BAG3: variants seen among roughly 807,000 people sequenced by gnomAD.
BAG3 encodes the protein BAG family molecular chaperone regulator 3.
In BAG3, 14 loss-of-function variants were observed where a neutral mutation model predicts 40.5. That is an observed-to-expected ratio of 0.35 (90% CI 0.23 to 0.54). The LOEUF is 0.54. Ranked by LOEUF, BAG3 falls within the 20% of genes least tolerant of loss-of-function variation. The pLI is 0.91. For missense variants in BAG3, 788 were observed against 758.6 expected, an observed-to-expected ratio of 1.04 and a Z score of -0.46; for synonymous variants, 302 against 307.8, an observed-to-expected ratio of 0.98 and a Z score of 0.20.
At chr10:119,676,419 C>G (rs1226713053) in intron 3 of BAG3, 45 bp from the exon 4 acceptor site, 1 of 1,599,554 alleles carries the variant, frequency 6.3e-7, no homozygotes, top group Non-Finnish European at 8.6e-7. Flanking sequence ...ATTTCTGTGA[C>G]TTTCAGTCAG....
At chr10:119,668,502 C>T (rs778606163) in intron 1 of BAG3, among the ~76,000 whole-genome samples, 2 of 152,252 alleles carry the variant, frequency 1.3e-5, no homozygotes, top group Non-Finnish European at 2.9e-5. Context: ...ATGCAAATGA[C>T]ACTTATCAGT....
intron 1 of BAG3, among the ~76,000 whole-genome samples, chr10:119,652,839 G>A (rs1846862590): frequency 6.6e-6 from 1 of 152,226 alleles, no homozygotes; most frequent in Admixed American, 6.5e-5. Context: ...ATTTGAAAAT[G>A]TAAATTTGGA....
At position 119,676,855 on chromosome 10, in the gene BAG3, G is replaced by A; in HGVS notation, c.1301G>A (p.Gly434Glu). Residue 434 changes from glycine (G) to glutamate (E), a missense_variant, in exon 4 of 4, where the codon GGG (glycine) becomes GAG (glutamate). By Grantham distance (98) the Gly-to-Glu change is moderately conservative. Transcript: ENST00000369085. Reference sequence around the variant, plus strand: ...GAAGCCATCCTGGAGAAGGTACAGGGGCTGGAGCAGGCTGTAGACAACTTT... The same window carrying A: ...GAAGCCATCCTGGAGAAGGTACAGGAGCTGGAGCAGGCTGTAGACAACTTT... ...KVEAILEKVQGLEQAVDNFEG... is the reference protein window; with the variant it reads ...KVEAILEKVQELEQAVDNFEG... The A allele has an allele frequency of 1.2e-6, 2 of 1,614,184 alleles. No homozygotes were observed. The highest frequency in any genetic ancestry group is 1.1e-5 in the South Asian group (1 of 91,086).
rs1847248046 is a variant in BAG3, at chr10:119,677,004, G to A, written c.1450G>A (p.Val484Ile). 1 of 1,614,118 alleles carries A rather than the reference G, an allele frequency of 6.2e-7. No homozygotes were observed. Among genetic ancestry groups the A allele is most frequent in the Non-Finnish European group, 8.5e-7 (1 of 1,180,050 alleles). The change falls in exon 4 of 4, where the codon GTC (valine) becomes ATC (isoleucine). Residue 484 changes from valine (V) to isoleucine (I), a missense_variant. Physicochemically the swap from Val to Ile is conservative, Grantham distance 29 (BLOSUM62 3). Transcript: ENST00000369085. ...TGTGCGTCAGGCCAGGAGAGACGGT[G>A]TCAGGAAGGTTCAGACCATCTTGGA... ...ADVRQARRDG[V>I]RKVQTILEKL...
intron 3 of BAG3, among the ~76,000 whole-genome samples, chr10:119,676,171 G>A (rs1278602983): frequency 6.6e-6 from 1 of 151,308 alleles, no homozygotes; most frequent in East Asian, 2.0e-4. Flanking sequence ...AATTTTATTG[G>A]GTTTCTTTTC....
chr10:119,652,929 A>G (rs932344588), intron 1 of BAG3, among the ~76,000 whole-genome samples: 1 of 152,244 alleles, frequency 6.6e-6, no homozygotes, highest in Non-Finnish European at 1.5e-5. Flanking sequence ...TTCAGGATAA[A>G]AAGTTTTTAA....
chr10:119,675,565 C>G (rs528477273), intron 3 of BAG3, among the ~76,000 whole-genome samples: 3 of 152,038 alleles, frequency 2.0e-5, no homozygotes, highest in Non-Finnish European at 4.4e-5. Context: ...AAAAGAAGAT[C>G]GTATCTTTTC....
chr10:119,661,301 T>C (rs745865808), intron 1 of BAG3, among the ~76,000 whole-genome samples: 1 of 150,352 alleles, frequency 6.7e-6, no homozygotes, highest in Non-Finnish European at 1.5e-5. Context: ...CCCAATTGTT[T>C]AGGGCACAGA....
chr10:119,665,261 C>T (rs1218110822), intron 1 of BAG3, among the ~76,000 whole-genome samples: 2 of 151,150 alleles, frequency 1.3e-5, no homozygotes, highest in South Asian at 2.1e-4. Context: ...CTCAGCCTCC[C>T]GAGTAGCTGG....
In BAG3 at chr10:119,672,415, C is replaced by G. The variant is rs754615028; in HGVS notation, c.668C>G (p.Pro223Arg). 6.2e-6 allele frequency: 10 copies of G among 1,614,084 alleles called. No individual in the cohort carries two copies. The Admixed American group carries it at 1.0e-4, about 16-fold the overall frequency. ...EQNVTRPAAQ[P>R]SFHQAQKTHY... Reference sequence around the variant, plus strand: ...AACGTTACCCGGCCAGCAGCCCAGCCCTCCTTCCACCAAGCCCAGAAGACG... The same window carrying G: ...AACGTTACCCGGCCAGCAGCCCAGCGCTCCTTCCACCAAGCCCAGAAGACG... Residue 223 changes from proline (P) to arginine (R), a missense_variant, in exon 3 of 4, where the codon CCC becomes CGC. Physicochemically the swap from Pro to Arg is moderately radical, Grantham distance 103 (BLOSUM62 -2). Transcript: ENST00000369085. This position sits in a 1 kb window ranked among gnomAD's most constrained non-coding sequence, Gnocchi z 4.8.
intron 1 of BAG3, among the ~76,000 whole-genome samples, chr10:119,661,152 C>T (rs1243873404): frequency 6.6e-6 from 1 of 151,982 alleles, no homozygotes; most frequent in East Asian, 1.9e-4. Context: ...CCCAGCTACT[C>T]GGGAGGCTGA....
rs979029307 is a variant in BAG3, at chr10:119,669,723, C to G, written c.181-128C>G. 2.4e-5 allele frequency: 23 copies of G among 956,006 alleles called. No homozygotes were observed. In the African/African-American group the frequency reaches 3.5e-4, roughly 15 times the overall value. 59.2% of individuals were successfully genotyped at this position (956,006 alleles called of 1,614,324 possible). On this transcript the variant is annotated intron_variant, in intron 1 of 3. Coordinates refer to ENST00000369085, the MANE Select transcript of BAG3 (RefSeq NM_004281.4). ...GTTTGGAGGGTACAGGGGCTGGGAG[C>G]TGGCTGACGCTTTGAGGCCCAAGTC...
intron 1 of BAG3, among the ~76,000 whole-genome samples, chr10:119,668,919 T>C (rs903701833): frequency 6.6e-6 from 1 of 152,062 alleles, no homozygotes; most frequent in African/African-American, 2.4e-5. Flanking sequence ...ACACGGGCGA[T>C]TGGGAATTTA....
Position 119,651,694 on chromosome 10 carries a change from T to C in BAG3, c.19T>C (p.Ser7Pro), listed in dbSNP as rs1308142179. Residue 7 changes from serine to proline, a missense_variant, in exon 1 of 4, where the codon TCG becomes CCG. Ser to Pro is a moderately conservative substitution (Grantham distance 74). Transcript: ENST00000369085. Reference protein sequence around the residue: MSAATHSPMMQVASGNG... With the variant: MSAATHPPMMQVASGNG... ...ACCCAGCATGAGCGCCGCCACCCAC[T>C]CGCCCATGATGCAGGTGGCGTCCGG... The C allele has an allele frequency of 3.2e-6, 5 of 1,585,216 alleles. No individual in the cohort carries two copies. In the East Asian group the frequency reaches 9.6e-5, roughly 31 times the overall value.
At chr10:119,662,216 TTTTTTTTTTG>T (rs1029764623) in intron 1 of BAG3, among the ~76,000 whole-genome samples, 4 of 39,822 alleles carry the variant, frequency 1.0e-4, no homozygotes, top group African/African-American at 2.6e-4. Flanking sequence ...CCTGGCTATG[TTTTTTTTTTG>T]TTTTTTTTTT....
At chr10:119,674,544 A>G (rs1421557515) in intron 3 of BAG3, among the ~76,000 whole-genome samples, 1 of 152,244 alleles carries the variant, frequency 6.6e-6, no homozygotes, top group East Asian at 1.9e-4. Flanking sequence ...ACTGAACGTT[A>G]TAGTGGAATT....
At chr10:119,654,278 A>T (rs11199060) in intron 1 of BAG3, among the ~76,000 whole-genome samples, 55,552 of 152,060 alleles carry the variant, frequency 0.37, 10,276 homozygotes, top group South Asian at 0.44. Flanking sequence ...AGCTGAGCTG[A>T]GGCCCGTCTG....
chr10:119,657,722 A>G (rs899715429), intron 1 of BAG3, among the ~76,000 whole-genome samples: 3 of 152,202 alleles, frequency 2.0e-5, no homozygotes, highest in Non-Finnish European at 4.4e-5. Context: ...TCATCCTTAC[A>G]GGTCTGGAGA....
At chr10:119,656,990 A>G (rs1846922491) in intron 1 of BAG3, among the ~76,000 whole-genome samples, 2 of 152,136 alleles carry the variant, frequency 1.3e-5, no homozygotes, top group Non-Finnish European at 2.9e-5. Context: ...GGGGTGACAG[A>G]CAGACTTGCC....
Sources: allele counts gnomAD v4.1 joint callset (sites outside exome capture counted in the v4.1 genomes callset), GRCh38; gene constraint gnomAD v4.1.1; non-coding constraint Gnocchi (gnomAD v3.1); transcripts MANE v1.5; gene names NCBI Gene and HGNC (gene_info 2026-07-23, HGNC 2026-07-21).